RALGAPB: variants seen among roughly 807,000 people sequenced by gnomAD.
The protein encoded by RALGAPB is ral GTPase-activating protein subunit beta.
A neutral mutation model predicts 161.1 loss-of-function variants in RALGAPB; 25 were observed. The ratio of observed to expected loss-of-function variants is 0.16; its 90% CI spans 0.11 to 0.22. The LOEUF is 0.22. Ranked by LOEUF, RALGAPB falls within the 10% of genes least tolerant of loss-of-function variation. RALGAPB has a pLI of 1.00. For missense variants in RALGAPB, 1,391 were observed against 1,815.2 expected (o/e 0.77, Z 4.25); for synonymous variants, 629 against 626.1 (o/e 1.00, Z -0.07).
At chr20:38,503,174 A>G (rs1432364887) in intron 5 of RALGAPB, among the ~76,000 whole-genome samples, 1 of 152,210 alleles carries the variant, frequency 6.6e-6, no homozygotes, top group Non-Finnish European at 1.5e-5. Flanking sequence ...TAAGAATACC[A>G]TATATAATAC....
Position 38,524,006 on chromosome 20 carries a change from G to A in RALGAPB, c.1620-772G>A, listed in dbSNP as rs531790698. On this transcript the variant is annotated intron_variant, in intron 10 of 29. Transcript: ENST00000262879. ...CTAGGGAGAGAGATAGATTGAAATGGGTTGAGCAGTAACCAGTAGGTGATG... is the reference window on the plus strand; with the variant it reads ...CTAGGGAGAGAGATAGATTGAAATGAGTTGAGCAGTAACCAGTAGGTGATG... Among the ~76,000 whole-genome samples, 15 of 152,282 alleles carry A rather than the reference G, an allele frequency of 9.9e-5. No individual in the cohort carries two copies. The East Asian group carries it at 2.9e-3, about 29-fold the overall frequency.
chr20:38,501,154 G>A (rs1198999382), intron 5 of RALGAPB, among the ~76,000 whole-genome samples: 1 of 152,190 alleles, frequency 6.6e-6, no homozygotes. Flanking sequence ...AAACAGTCTT[G>A]TATTGGAAGA....
In RALGAPB at chr20:38,540,971, T is replaced by C. The variant is rs2086946468; in HGVS notation, c.2563-70T>C. 4 of 1,539,096 alleles carry C rather than the reference T, an allele frequency of 2.6e-6. No homozygotes were observed. In the East Asian group the frequency reaches 9.0e-5, roughly 35 times the overall value. On this transcript the variant is annotated intron_variant, in intron 17 of 29. Transcript: ENST00000262879. The stretch of plus-strand genomic sequence containing the variant: ...CCAAAACGCAACCACTGTTAGCATT[T>C]GGATGGATTTCCTTGTCTTCTCATG...
intron 1 of RALGAPB, among the ~76,000 whole-genome samples, chr20:38,475,966 G>A (rs1201328538): frequency 1.3e-5 from 2 of 152,150 alleles, no homozygotes; most frequent in Non-Finnish European, 2.9e-5. Context: ...TCTTGGTTCC[G>A]TTTTGTATTA....
chr20:38,532,786 A>G lies in RALGAPB; in HGVS notation c.2172A>G (p.Ser724=), dbSNP rs1406778528. ...GTCGCACCAATAGTGGTATTAGTTC[A>G]GCAAGTGGTGGAAGCACGGAGCCCA... ...SHSRTNSGIS[S]ASGGSTEPTT... is the part of the protein sequence containing the mutation. The change falls in exon 15 of 30, where the codon TCA becomes TCG. Residue 724 remains serine (S), a synonymous_variant. Transcript: ENST00000262879. 4 of 1,614,028 alleles carry G rather than the reference A, an allele frequency of 2.5e-6. No homozygotes were observed. In the South Asian group the frequency reaches 3.3e-5, roughly 13 times the overall value.
chr20:38,481,743 TTTC>T (rs1322087846), intron 1 of RALGAPB, among the ~76,000 whole-genome samples: 2 of 152,316 alleles, frequency 1.3e-5, no homozygotes, highest in Admixed American at 1.3e-4. Flanking sequence ...CCTATTAATC[TTTC>T]TTCTTCATGG....
At chr20:38,537,169 A>G (rs565588807) in intron 16 of RALGAPB, among the ~76,000 whole-genome samples, 24 of 152,238 alleles carry the variant, frequency 1.6e-4, no homozygotes, top group Non-Finnish European at 2.9e-4. Context: ...TGATCGGTGG[A>G]AGAAAATAGT....
chr20:38,553,505 T>C (rs2087453639), intron 21 of RALGAPB, among the ~76,000 whole-genome samples: 1 of 152,048 alleles, frequency 6.6e-6, no homozygotes, highest in South Asian at 2.1e-4. Context: ...TTGTTGAAGG[T>C]ATAGGGAAGT....
chr20:38,490,680 A>AT lies in RALGAPB; in HGVS notation c.186+2070dup, dbSNP rs533528192. On this transcript the variant is annotated intron_variant, in intron 2 of 29. Coordinates refer to ENST00000262879, the MANE Select transcript of RALGAPB (RefSeq NM_020336.4). The stretch of plus-strand genomic sequence containing the variant: ...CACCACCATGCCTGGCTAATTTTGT[A>AT]TTTTTTTTAGTAGAGACAAGGGTTT... 1.1e-3 allele frequency among the ~76,000 whole-genome samples: 167 copies of AT among 147,550 alleles called. 2 individuals are homozygous for AT. The highest frequency in any genetic ancestry group is 6.9e-3 in the Middle Eastern group (2 of 288).
At chr20:38,500,777 C>T (rs1237203223) in intron 5 of RALGAPB, among the ~76,000 whole-genome samples, 1 of 152,162 alleles carries the variant, frequency 6.6e-6, no homozygotes, top group Non-Finnish European at 1.5e-5. Flanking sequence ...AAACATGCTA[C>T]ACCACTGAAC....
rs1301161718 is a variant in RALGAPB at position 38,525,876 on chromosome 20, T to A, written c.1903-19T>A. 3 of 1,608,940 alleles carry A rather than the reference T, an allele frequency of 1.9e-6. No homozygotes were observed. Among genetic ancestry groups the A allele is most frequent in the Non-Finnish European group, 2.5e-6 (3 of 1,178,098 alleles). ...AAGCTGCAACAGCTGATGTTAAATA[T>A]TATTTGTTTTTTCCATAGGTGGTCC... is the stretch of plus-strand genomic sequence containing the variant. On this transcript the variant is annotated intron_variant, in intron 12 of 29. Transcript: ENST00000262879.
intron 7 of RALGAPB, among the ~76,000 whole-genome samples, chr20:38,517,153 A>T (rs2086151244): frequency 6.6e-6 from 1 of 152,190 alleles, no homozygotes; most frequent in Admixed American, 6.5e-5. Context: ...AGTTCCAAAC[A>T]TCCTGTCCAG....
chr20:38,521,479 C>T lies in RALGAPB; in HGVS notation c.1418-18C>T, dbSNP rs1385818975. ...GGCATATTGCAAATATAATAAAACC[C>T]TCCTTTTCTCTCCCCAGCCATTACA... On this transcript the variant is annotated intron_variant, in intron 9 of 29. Transcript: ENST00000262879. 1 of 1,613,858 alleles carries T rather than the reference C, an allele frequency of 6.2e-7. No homozygotes were observed. Among genetic ancestry groups the T allele is most frequent in the East Asian group, 2.2e-5 (1 of 44,878 alleles).
chr20:38,519,177 A>G (rs2086217684), intron 9 of RALGAPB, among the ~76,000 whole-genome samples: 1 of 152,148 alleles, frequency 6.6e-6, no homozygotes, highest in African/African-American at 2.4e-5. Context: ...CAGACACTTT[A>G]TATTCTTCCA....
chr20:38,549,051 G>GT (rs2087269850), intron 20 of RALGAPB, among the ~76,000 whole-genome samples: 1 of 152,134 alleles, frequency 6.6e-6, no homozygotes, highest in African/African-American at 2.4e-5. Flanking sequence ...AGTAATTGCT[G>GT]TTGTGGACAA....
At chr20:38,542,722 A>G (rs2087012255) in intron 18 of RALGAPB, among the ~76,000 whole-genome samples, 2 of 152,086 alleles carry the variant, frequency 1.3e-5, no homozygotes, top group Admixed American at 1.3e-4. Flanking sequence ...TAAAAATACA[A>G]AAATTAGCTG....
chr20:38,486,980 C>T (rs1197192141), intron 1 of RALGAPB, among the ~76,000 whole-genome samples: 1 of 152,180 alleles, frequency 6.6e-6, no homozygotes, highest in Non-Finnish European at 1.5e-5. Context: ...TATCCGTACA[C>T]CACTAATGAA....
At position 38,472,906 on chromosome 20, in the gene RALGAPB, G is replaced by C; in HGVS notation, c.-194G>C. The C allele has an allele frequency of 2.5e-6, 1 of 398,936 alleles. No individual in the cohort carries two copies. Among genetic ancestry groups the C allele is most frequent in the Non-Finnish European group, 4.4e-6 (1 of 225,978 alleles). The allele number at this position is 398,936 out of a possible 1,614,324, so 24.7% of individuals were successfully genotyped here. A position where few individuals can be genotyped will look rare whatever the true frequency, so the allele number is the denominator to read the frequency against. ...CGAGTGGCCTTCGTCGTCCCTTGGC[G>C]CCCTGGGAGAGTCGCTGACGGGTGG... On this transcript the variant is annotated 5_prime_UTR_variant, in exon 1 of 30. Coordinates refer to ENST00000262879, the MANE Select transcript of RALGAPB (RefSeq NM_020336.4).
At chr20:38,498,827 C>G (rs1197929153) in intron 4 of RALGAPB, among the ~76,000 whole-genome samples, 3 of 152,194 alleles carry the variant, frequency 2.0e-5, no homozygotes, top group African/African-American at 7.2e-5. Context: ...AGTCCTTTTG[C>G]TCCATTATTT....
Sources: allele counts gnomAD v4.1 joint callset (sites outside exome capture counted in the v4.1 genomes callset), GRCh38; gene constraint gnomAD v4.1.1; transcripts MANE v1.5; gene names NCBI Gene and HGNC (gene_info 2026-07-23, HGNC 2026-07-21).